Variants in AGAP3 observed in about 807,000 individuals in gnomAD.
AGAP3 encodes arf-GAP with GTPase, ANK repeat and PH domain-containing protein 3.
Under a neutral mutation model 96.9 loss-of-function variants are expected in AGAP3, and 24 were observed. That is an observed-to-expected ratio of 0.25 (90% CI 0.18 to 0.35). The LOEUF (loss-of-function observed/expected upper bound fraction) is 0.35. Among genes scored for constraint, AGAP3 ranks in the 10% least tolerant of loss-of-function variants. AGAP3 has a pLI of 1.00. For synonymous variants in AGAP3, 563 were observed against 536.1 expected (o/e 1.05, Z -0.69); for missense variants, 876 against 1,254.2 (o/e 0.70, Z 4.55).
chr7:151,103,356 T>C (rs1448594920), intron 1 of AGAP3, among the ~76,000 whole-genome samples: 2 of 152,210 alleles, frequency 1.3e-5, no homozygotes, highest in East Asian at 3.9e-4. Flanking sequence ...AGCAGAAATT[T>C]AGAAGAATGT....
chr7:151,125,937 G>T (rs1459770986), intron 9 of AGAP3, among the ~76,000 whole-genome samples: 3 of 152,202 alleles, frequency 2.0e-5, no homozygotes, highest in Non-Finnish European at 2.9e-5. Context: ...CTGCTCCGCC[G>T]TGCGCAGCCG....
chr7:151,099,569 C>T (rs542582863), intron 1 of AGAP3, among the ~76,000 whole-genome samples: 2 of 152,280 alleles, frequency 1.3e-5, no homozygotes, highest in East Asian at 1.9e-4. Context: ...AAGGGGCACT[C>T]GTGTTCCCAC....
intron 1 of AGAP3, among the ~76,000 whole-genome samples, chr7:151,100,068 G>A (rs575278388): frequency 3.9e-5 from 6 of 152,328 alleles, no homozygotes; most frequent in African/African-American, 1.4e-4. Flanking sequence ...TGTGAATGTC[G>A]GGAAGGACCC....
Position 151,142,347 on chromosome 7 carries a change from C to T in AGAP3, c.2051-65C>T. The T allele has an allele frequency of 2.5e-6, 4 of 1,595,544 alleles. No homozygotes were observed. The highest frequency in any genetic ancestry group is 3.4e-6 in the Non-Finnish European group (4 of 1,166,516). On this transcript the variant is annotated intron_variant, in intron 15 of 17. Transcript: ENST00000397238. This position sits in a 1 kb window ranked among gnomAD's most constrained non-coding sequence, Gnocchi z 7.5. The stretch of plus-strand genomic sequence containing the variant: ...CAGGGAAGAGGGCAGGGAAGCCTTC[C>T]CTAGTTGTCCCGCGCTCTGGTGGCC...
chr7:151,125,950 C>A (rs930544217), intron 9 of AGAP3, among the ~76,000 whole-genome samples: 12 of 151,962 alleles, frequency 7.9e-5, no homozygotes, highest in Non-Finnish European at 1.6e-4. Flanking sequence ...CGCAGCCGGC[C>A]GGCCGGGGAG....
chr7:151,130,835 T>G (rs1466050371), intron 10 of AGAP3, among the ~76,000 whole-genome samples: 1 of 151,622 alleles, frequency 6.6e-6, no homozygotes, highest in African/African-American at 2.4e-5. Flanking sequence ...CGCCACACTT[T>G]CCCTCCCTCC....
In AGAP3 at chr7:151,114,891, G is replaced by A. The variant is rs1245085433; in HGVS notation, c.332-1902G>A. On this transcript the variant is annotated intron_variant, in intron 1 of 17. Transcript: ENST00000397238. This position sits in a 1 kb window ranked among gnomAD's most constrained non-coding sequence, Gnocchi z 4.4. ...CGGCGCCTCGGCCGGCCGCGCTGCC[G>A]CCGCCCTGCAGGCCGCCCTCTGCGC... 3.0e-6 allele frequency: 3 copies of A among 1,002,356 alleles called. No homozygotes were observed. The highest frequency in any genetic ancestry group is 8.7e-5 in the South Asian group (2 of 22,994). The allele number at this position is 1,002,356 out of a possible 1,614,324, so 62.1% of individuals were successfully genotyped here.
At chr7:151,112,413 G>GTT (rs1335128493) in intron 1 of AGAP3, among the ~76,000 whole-genome samples, 1 of 151,150 alleles carries the variant, frequency 6.6e-6, no homozygotes, top group African/African-American at 2.4e-5. Context: ...GTGTGTGTGT[G>GTT]TGTGTGTGTG....
In AGAP3 at chr7:151,140,231, T is replaced by C. The variant is rs1456127760; in HGVS notation, c.1804+115T>C. The C allele has an allele frequency of 7.4e-5, 89 of 1,197,156 alleles. 1 individual carries two copies. Among genetic ancestry groups the C allele is most frequent in the Non-Finnish European group, 9.0e-5 (84 of 934,292 alleles). 74.2% of individuals were successfully genotyped at this position (1,197,156 alleles called of 1,614,324 possible). A position where few individuals can be genotyped will look rare whatever the true frequency, so the allele number is the denominator to read the frequency against. On this transcript the variant is annotated intron_variant, in intron 13 of 17. Transcript: ENST00000397238. The surrounding 1 kb of genome is among the most constrained non-coding windows in gnomAD (Gnocchi z 5.4). ...TTTGTATTCAGTGGATTAAGCACTT[T>C]CTAGTAGTTGCTAATCAAAGTAGTT...
chr7:151,097,367 C>A (rs933292446), intron 1 of AGAP3, among the ~76,000 whole-genome samples: 2 of 151,344 alleles, frequency 1.3e-5, no homozygotes, highest in Non-Finnish European at 2.9e-5. Context: ...CCGGCCTCTA[C>A]TAAAAAATAC....
chr7:151,097,795 A>G (rs1055602424), intron 1 of AGAP3, among the ~76,000 whole-genome samples: 19 of 152,160 alleles, frequency 1.2e-4, no homozygotes, highest in African/African-American at 3.6e-4. Context: ...CACCTCTAAC[A>G]CTGGGGATCA....
chr7:151,135,045 G>A (rs1365150674), intron 11 of AGAP3, among the ~76,000 whole-genome samples: 2 of 152,170 alleles, frequency 1.3e-5, no homozygotes, highest in East Asian at 3.9e-4. Context: ...GGATCTGGAG[G>A]CAAGAAACTC....
At chr7:151,112,590 C>T (rs572929003) in intron 1 of AGAP3, among the ~76,000 whole-genome samples, 80 of 152,084 alleles carry the variant, frequency 5.3e-4, no homozygotes, top group African/African-American at 1.9e-3. Context: ...CCCATAGCTG[C>T]TGTCCTGTGC....
In AGAP3 at chr7:151,086,926, C is replaced by T. The variant is rs1477978983; in HGVS notation, c.185C>T (p.Ala62Val). ...QLAGGPPQQFALSNSAAIRAE... is the reference protein window; with the variant it reads ...QLAGGPPQQFVLSNSAAIRAE... ...GCCGGCGGGCCCCCCCAGCAGTTCG[C>T]GCTCTCCAACTCCGCGGCCATCCGG... The change falls in exon 1 of 18, where the codon GCG becomes GTG. Residue 62 changes from alanine to valine, a missense_variant. Ala to Val is a moderately conservative substitution (Grantham distance 64). Around this residue, in one of 8 missense-constraint regions of AGAP3, gnomAD observed 62 missense variants for 82.8 expected, o/e 0.75. Transcript: ENST00000397238. The T allele has an allele frequency of 3.1e-5, 50 of 1,594,572 alleles. No individual in the cohort carries two copies. The highest frequency in any genetic ancestry group is 4.3e-5 in the Non-Finnish European group (50 of 1,172,018).
At chr7:151,105,135 TGC>T (rs1386196667) in intron 1 of AGAP3, among the ~76,000 whole-genome samples, 1 of 152,134 alleles carries the variant, frequency 6.6e-6, no homozygotes, top group African/African-American at 2.4e-5. Context: ...ATTGGCAGAG[TGC>T]ACATTTATAC....
chr7:151,086,344 G>C (rs1798140399), upstream of AGAP3, among the ~76,000 whole-genome samples: 1 of 144,360 alleles, frequency 6.9e-6, no homozygotes, highest in East Asian at 2.1e-4. Context: ...GGGGGCGCCC[G>C]GGCCGGCGCG....
At chr7:151,119,608 C>T (rs985274897) in intron 7 of AGAP3, among the ~76,000 whole-genome samples, 1 of 152,220 alleles carries the variant, frequency 6.6e-6, no homozygotes, top group African/African-American at 2.4e-5. Context: ...GAGAGTTTGT[C>T]CGGGGTGACC....
Position 151,140,119 on chromosome 7 carries a change from T to C in AGAP3, c.1804+3T>C, listed in dbSNP as rs1800763726. On this transcript the variant is annotated splice_donor_region_variant and intron_variant, in intron 13 of 17. Coordinates refer to ENST00000397238, the MANE Select transcript of AGAP3 (RefSeq NM_031946.7). This position sits in a 1 kb window ranked among gnomAD's most constrained non-coding sequence, Gnocchi z 5.4. The stretch of plus-strand genomic sequence containing the variant: ...CGGCCCCAGCAGTGCTACTGAAGGT[T>C]AGGGGGACCCAGAGGGAAACCGGGC... 1 of 1,581,136 alleles carries C rather than the reference T, an allele frequency of 6.3e-7. No individual in the cohort carries two copies. Among genetic ancestry groups the C allele is most frequent in the African/African-American group, 1.4e-5 (1 of 73,450 alleles).
In AGAP3 at chr7:151,096,383, TC is replaced by T. The variant is rs34703251; in HGVS notation, c.331+9312del. The stretch of plus-strand genomic sequence containing the variant: ...TGCACGTTCCCGTGAACACCCAGGG[TC>T]ATCTTTGATGTTTTGCCTGTTGTTT... On this transcript the variant is annotated intron_variant, in intron 1 of 17. Transcript: ENST00000397238. The surrounding 1 kb of genome is among the most constrained non-coding windows in gnomAD (Gnocchi z 4.4). Among the ~76,000 whole-genome samples the T allele has an allele frequency of 0.27, 41,173 of 152,056 alleles. 5,987 individuals carry two copies. The highest frequency in any genetic ancestry group is 0.4 in the Admixed American group (6,107 of 15,276).
Sources: gnomAD v4.1 joint callset for allele counts (sites outside exome capture counted in the v4.1 genomes callset) on GRCh38, gnomAD v4.1.1 for gene constraint, gnomAD v4.1.1 regional missense constraint, Gnocchi (gnomAD v3.1) non-coding constraint, MANE v1.5 for transcripts, NCBI Gene and HGNC (gene_info 2026-07-23, HGNC 2026-07-21) for gene names.